CNTNAP4: variants seen among roughly 807,000 people sequenced by gnomAD.
CNTNAP4 encodes contactin associated protein family member 4, also known as contactin-associated protein-like 4.
Under a neutral mutation model 148.4 loss-of-function variants are expected in CNTNAP4, and 98 were observed. That is an observed-to-expected ratio of 0.66 (90% CI 0.56 to 0.78). The LOEUF is 0.78. CNTNAP4 is among the 30% of genes least tolerant of loss of function. CNTNAP4 has a pLI of 0.00. For synonymous variants in CNTNAP4, 730 were observed against 565.1 expected (o/e 1.29, Z -4.14); for missense variants, 1,935 against 1,565.6 (o/e 1.24, Z -3.98).
At chr16:76,282,925 A>G (rs1465233471) in intron 1 of CNTNAP4, among the ~76,000 whole-genome samples, 1 of 151,570 alleles carries the variant, frequency 6.6e-6, no homozygotes, top group African/African-American at 2.4e-5. Flanking sequence ...TTTTTTCATT[A>G]TATTGTTTTT....
chr16:76,381,622 A>C (rs1215361135), intron 3 of CNTNAP4, among the ~76,000 whole-genome samples: 3 of 152,164 alleles, frequency 2.0e-5, no homozygotes, highest in Non-Finnish European at 4.4e-5. Context: ...TACCCCTCAC[A>C]TTTGTTTAAT....
Position 76,342,979 on chromosome 16 carries a change from A to G in CNTNAP4, c.197-12339A>G, listed in dbSNP as rs146764508. Among the ~76,000 whole-genome samples, 15 of 152,270 alleles carry G rather than the reference A, an allele frequency of 9.9e-5. No individual in the cohort carries two copies. In the South Asian group the frequency reaches 3.1e-3, roughly 32 times the overall value. On this transcript the variant is annotated intron_variant, in intron 2 of 23. Coordinates refer to ENST00000611870, the MANE Select transcript of CNTNAP4 (RefSeq NM_033401.5). ...TGTGCATTGAGCTGCTTCTGCTGGG[A>G]TGCCGTGTTTCAGCTGCCACATTCT...
At chr16:76,501,771 T>G (rs1157131477) in intron 15 of CNTNAP4, among the ~76,000 whole-genome samples, 1 of 152,124 alleles carries the variant, frequency 6.6e-6, no homozygotes, top group Non-Finnish European at 1.5e-5. Flanking sequence ...AGCTACTACA[T>G]TAGCACTAAG....
intron 21 of CNTNAP4, among the ~76,000 whole-genome samples, chr16:76,545,497 G>C (rs941797739): frequency 1.3e-5 from 2 of 152,146 alleles, no homozygotes; most frequent in Admixed American, 1.3e-4. Flanking sequence ...CCGTGGAGTG[G>C]GCAAGTGTAT....
chr16:76,299,529 A>G (rs2143914735), intron 1 of CNTNAP4, among the ~76,000 whole-genome samples: 1 of 152,242 alleles, frequency 6.6e-6, no homozygotes, highest in African/African-American at 2.4e-5. Context: ...AAACAGGAAC[A>G]CTTTTACACT....
At chr16:76,361,141 T>TA (rs201824458) in intron 3 of CNTNAP4, among the ~76,000 whole-genome samples, 2,332 of 151,302 alleles carry the variant, frequency 0.015, 54 homozygotes, top group African/African-American at 0.048. Context: ...ATAATTGTGT[T>TA]AAAAAAAAAC....
chr16:76,556,125 T>A (rs1252783275), intron 23 of CNTNAP4, among the ~76,000 whole-genome samples: 2 of 151,880 alleles, frequency 1.3e-5, no homozygotes, highest in Non-Finnish European at 2.9e-5. Context: ...CTTAGATGAT[T>A]TTTTTTTACT....
At chr16:76,412,670 C>T (rs5017657) in intron 3 of CNTNAP4, among the ~76,000 whole-genome samples, 52,680 of 150,878 alleles carry the variant, frequency 0.35, 10,816 homozygotes, top group Non-Finnish European at 0.44. Flanking sequence ...CATTTAAATA[C>T]TTTTTTCTCT....
chr16:76,457,508 G>T (rs1348975735), intron 8 of CNTNAP4, among the ~76,000 whole-genome samples: 1 of 152,184 alleles, frequency 6.6e-6, no homozygotes, highest in Non-Finnish European at 1.5e-5. Context: ...TACTCTGGCA[G>T]TCTTTTGTTC....
At chr16:76,441,491 C>A (rs575419013) in intron 4 of CNTNAP4, among the ~76,000 whole-genome samples, 1 of 150,902 alleles carries the variant, frequency 6.6e-6, no homozygotes, top group East Asian at 1.9e-4. Context: ...TTTTGAGTCT[C>A]TTCTTTCCTC....
At chr16:76,337,521 C>T (rs1964119374) in intron 2 of CNTNAP4, among the ~76,000 whole-genome samples, 1 of 152,082 alleles carries the variant, frequency 6.6e-6, no homozygotes, top group South Asian at 2.1e-4. Context: ...CTTCAGAGGG[C>T]AATAGAAGAT....
Position 76,522,062 on chromosome 16 carries a change from T to G in CNTNAP4, c.2560T>G (p.Phe854Val), listed in dbSNP as rs771232704. The change falls in exon 17 of 24, where the codon TTT (phenylalanine) becomes GTT (valine). Residue 854 changes from phenylalanine (F) to valine (V), a missense_variant. Transcript: ENST00000611870. ...LRSPTVVTFSFDVGNGPFEIS... is the reference protein window; with the variant it reads ...LRSPTVVTFSVDVGNGPFEIS... The stretch of plus-strand genomic sequence containing the variant: ...AGCTCCGACAGTAGTGACTTTTTCA[T>G]TTGATGTGGGGAATGGGCCTTTTGA... 2 of 1,613,920 alleles carry G rather than the reference T, an allele frequency of 1.2e-6. No individual in the cohort carries two copies. Among genetic ancestry groups the G allele is most frequent in the Non-Finnish European group, 1.7e-6 (2 of 1,179,814 alleles).
chr16:76,517,404 G>A (rs533507316), intron 15 of CNTNAP4, among the ~76,000 whole-genome samples: 10 of 152,220 alleles, frequency 6.6e-5, no homozygotes, highest in East Asian at 5.8e-4. Context: ...TTACACCTGC[G>A]TAAGAATCTA....
At chr16:76,407,823 A>G (rs1242671473) in intron 3 of CNTNAP4, among the ~76,000 whole-genome samples, 1 of 152,116 alleles carries the variant, frequency 6.6e-6, no homozygotes, top group Non-Finnish European at 1.5e-5. Context: ...GATTGACTTT[A>G]ATTTTCAAGT....
intron 21 of CNTNAP4, among the ~76,000 whole-genome samples, chr16:76,546,800 G>T (rs944671547): frequency 9.9e-5 from 15 of 152,192 alleles, no homozygotes; most frequent in African/African-American, 3.6e-4. Context: ...TCAGAGCAGA[G>T]AAATTTGAAT....
chr16:76,463,084 A>C (rs938742012), intron 9 of CNTNAP4, among the ~76,000 whole-genome samples: 4 of 152,226 alleles, frequency 2.6e-5, no homozygotes, highest in Non-Finnish European at 2.9e-5. Context: ...GCTTAGGGCC[A>C]ACAATCTGAA....
intron 22 of CNTNAP4, among the ~76,000 whole-genome samples, 160 bp downstream of exon 22, chr16:76,553,661 G>T (rs1173871754): frequency 6.6e-6 from 1 of 152,166 alleles, no homozygotes; most frequent in Non-Finnish European, 1.5e-5. Context: ...TTTTCTAGGT[G>T]CTCAACTTCT....
intron 3 of CNTNAP4, among the ~76,000 whole-genome samples, chr16:76,419,341 T>G (rs781664136): frequency 1.4e-4 from 21 of 151,976 alleles, no homozygotes; most frequent in Non-Finnish European, 2.6e-4. Flanking sequence ...AATAGCCCTT[T>G]GTTATGAAGA....
At chr16:76,446,490 G>C (rs1230876884) in intron 4 of CNTNAP4, among the ~76,000 whole-genome samples, 1 of 152,120 alleles carries the variant, frequency 6.6e-6, no homozygotes, top group Non-Finnish European at 1.5e-5. Context: ...GATTTTGACA[G>C]ATGTATTGTT....
Sources: gnomAD v4.1 joint callset for allele counts (sites outside exome capture counted in the v4.1 genomes callset) on GRCh38, gnomAD v4.1.1 for gene constraint, MANE v1.5 for transcripts, NCBI Gene and HGNC (gene_info 2026-07-23, HGNC 2026-07-21) for gene names.